The following ALK variants were observed in gnomAD, a reference collection of about 807,000 sequenced individuals.
ALK encodes the protein ALK receptor tyrosine kinase.
ALK carries 74 observed loss-of-function variants against 163.1 expected under a neutral mutation model. The observed-to-expected ratio is 0.45, with a 90% CI of 0.38 to 0.55. ALK has a LOEUF of 0.55. Ranked by LOEUF, ALK falls within the 20% of genes least tolerant of loss-of-function variation. ALK has a pLI of 0.00. For missense variants in ALK, 2,063 were observed against 2,105.3 expected (o/e 0.98, Z 0.39); for synonymous variants, 960 against 843.2 (o/e 1.14, Z -2.40).
At chr2:29,436,222 T>A (rs1228194195) in intron 4 of ALK, among the ~76,000 whole-genome samples, 1 of 152,210 alleles carries the variant, frequency 6.6e-6, no homozygotes, top group Non-Finnish European at 1.5e-5. Context: ...CCGTGTGCCA[T>A]GTATTCAAAT....
At position 29,920,256 on chromosome 2, in the gene ALK, A is replaced by G; in HGVS notation, c.404T>C (p.Leu135Pro). 1 of 1,606,072 alleles carries G rather than the reference A, an allele frequency of 6.2e-7. No homozygotes were observed. The highest frequency in any genetic ancestry group is 8.5e-7 in the Non-Finnish European group (1 of 1,176,978). Residue 135 changes from leucine (L) to proline (P), a missense_variant, in exon 1 of 29, where the codon CTC (leucine) becomes CCC (proline). Coordinates refer to ENST00000389048, the MANE Select transcript of ALK (RefSeq NM_004304.5). ...RVLKGGSVRK[L>P]RRAKQLVLEL... ...CAGCACCAACTGCTTGGCACGCCGG[A>G]GCTTGCGCACGGAGCCGCCCTTCAG...
intron 3 of ALK, among the ~76,000 whole-genome samples, chr2:29,692,568 C>T (rs1026886905): frequency 6.6e-6 from 1 of 152,220 alleles, no homozygotes; most frequent in African/African-American, 2.4e-5. Flanking sequence ...ATACGATTCA[C>T]GTTTTTATAA....
chr2:29,340,358 A>T (rs749349387), intron 5 of ALK, among the ~76,000 whole-genome samples: 4 of 152,186 alleles, frequency 2.6e-5, no homozygotes, highest in Non-Finnish European at 5.9e-5. Context: ...AGCAAAGGGA[A>T]GGAGGGCTCA....
intron 1 of ALK, among the ~76,000 whole-genome samples, chr2:29,884,099 A>G (rs1666932293): frequency 6.6e-6 from 1 of 152,208 alleles, no homozygotes; most frequent in East Asian, 1.9e-4. Flanking sequence ...TTAATACTGT[A>G]CTACTGTAAT....
chr2:29,588,103 C>T (rs780030078), intron 3 of ALK, among the ~76,000 whole-genome samples: 13 of 152,168 alleles, frequency 8.5e-5, no homozygotes, highest in African/African-American at 1.7e-4. Context: ...GATCTTGCAT[C>T]CCAGCTTTTC....
At chr2:29,588,611 C>A (rs1018469716) in intron 3 of ALK, among the ~76,000 whole-genome samples, 1 of 152,128 alleles carries the variant, frequency 6.6e-6, no homozygotes, top group African/African-American at 2.4e-5. Flanking sequence ...CAGAGGTTAG[C>A]AAACTTTTTC....
chr2:29,440,507 G>A (rs1446780339), intron 4 of ALK, among the ~76,000 whole-genome samples: 1 of 152,138 alleles, frequency 6.6e-6, no homozygotes, highest in East Asian at 2.0e-4. Flanking sequence ...AGTAGAGACA[G>A]GGTTTCACCA....
chr2:29,698,474 G>C (rs574083612), intron 2 of ALK, among the ~76,000 whole-genome samples: 1 of 152,292 alleles, frequency 6.6e-6, no homozygotes, highest in African/African-American at 2.4e-5. Flanking sequence ...AATTATCAGT[G>C]CCTTTCCCAA....
chr2:29,441,126 G>A (rs375326717), intron 4 of ALK, among the ~76,000 whole-genome samples: 55 of 152,326 alleles, frequency 3.6e-4, no homozygotes, highest in African/African-American at 8.9e-4. Context: ...GTGCTGGCAC[G>A]CCCTGCTCAG....
chr2:29,232,242 A>C (rs1286759504), intron 15 of ALK, 62 bp downstream of exon 15: 31 of 1,609,914 alleles, frequency 1.9e-5, no homozygotes, highest in Non-Finnish European at 2.5e-5. Context: ...ATGCGATGGC[A>C]TCGGGGCCCA....
At chr2:29,714,977 C>G (rs1439421636) in intron 2 of ALK, among the ~76,000 whole-genome samples, 1 of 152,068 alleles carries the variant, frequency 6.6e-6, no homozygotes, top group Admixed American at 6.6e-5. Flanking sequence ...CTGAGGTCAG[C>G]CCACCGGGGA....
intron 12 of ALK, among the ~76,000 whole-genome samples, chr2:29,245,962 T>C (rs1051412426): frequency 6.6e-6 from 1 of 152,144 alleles, no homozygotes; most frequent in African/African-American, 2.4e-5. Context: ...ATGAGTGTCA[T>C]TGACAGAGAC....
intron 3 of ALK, among the ~76,000 whole-genome samples, chr2:29,536,991 C>T (rs1257111294): frequency 6.6e-6 from 1 of 152,204 alleles, no homozygotes; most frequent in Non-Finnish European, 1.5e-5. Context: ...CTAGCTGCTT[C>T]TAACAGTCTA....
Position 29,204,419 on chromosome 2 carries a change from T to C in ALK, c.3938+2752A>G, listed in dbSNP as rs115257760. On this transcript the variant is annotated intron_variant, in intron 26 of 28. Coordinates refer to ENST00000389048, the MANE Select transcript of ALK (RefSeq NM_004304.5). ...CCTCGTTTTTTATGACCTTGACAGG[T>C]TTGAGAATCTGGTCAGGGATTTTGT... Among the ~76,000 whole-genome samples the C allele has an allele frequency of 6.7e-3, 1,018 of 152,324 alleles. 12 individuals carry two copies. Among genetic ancestry groups the C allele is most frequent in the African/African-American group, 0.023 (963 of 41,560 alleles).
chr2:29,656,087 T>A (rs542839149), intron 3 of ALK, among the ~76,000 whole-genome samples: 9 of 152,008 alleles, frequency 5.9e-5, no homozygotes, highest in African/African-American at 2.2e-4. Flanking sequence ...TGATGGAAAT[T>A]TTTTTTCCTT....
At chr2:29,712,327 A>G (rs1558454648) in intron 2 of ALK, among the ~76,000 whole-genome samples, 1 of 152,078 alleles carries the variant, frequency 6.6e-6, no homozygotes, top group Non-Finnish European at 1.5e-5. Flanking sequence ...AAAGAGCTTG[A>G]CCCCCTAGCT....
intron 3 of ALK, among the ~76,000 whole-genome samples, chr2:29,677,826 C>T (rs1281117552): frequency 6.6e-6 from 1 of 151,966 alleles, no homozygotes; most frequent in African/African-American, 2.4e-5. Flanking sequence ...AGTATTCATT[C>T]CTTTATTTCT....
At chr2:29,330,709 G>T (rs568271156) in intron 5 of ALK, among the ~76,000 whole-genome samples, 1,860 of 152,204 alleles carry the variant, frequency 0.012, 32 homozygotes, top group African/African-American at 0.042. Flanking sequence ...AGGGTTGGGG[G>T]GTATGGGCAA....
At chr2:29,495,863 C>A (rs1449261018) in intron 4 of ALK, among the ~76,000 whole-genome samples, 3 of 152,148 alleles carry the variant, frequency 2.0e-5, no homozygotes, top group Non-Finnish European at 4.4e-5. Context: ...GCTGGCACAT[C>A]CAATGAATGG....
Sources: allele counts gnomAD v4.1 joint callset (sites outside exome capture counted in the v4.1 genomes callset), GRCh38; gene constraint gnomAD v4.1.1; transcripts MANE v1.5; gene names NCBI Gene and HGNC (gene_info 2026-07-23, HGNC 2026-07-21).